The following TSPAN16 variants were observed in gnomAD, a reference collection of about 807,000 sequenced individuals.
TSPAN16 encodes the protein tetraspanin-16.
TSPAN16 carries 23 observed loss-of-function variants against 25.2 expected under a neutral mutation model. The observed-to-expected ratio is 0.91, with a 90% CI of 0.66 to 1.29. The LOEUF (loss-of-function observed/expected upper bound fraction) is 1.29, where lower values mean the gene tolerates loss of function less well. Ranked by LOEUF, TSPAN16 falls within the 50% of genes most tolerant of loss-of-function variation. TSPAN16 has a pLI of 0.00. For synonymous variants in TSPAN16, 123 were observed against 124.4 expected (o/e 0.99, Z 0.08); for missense variants, 272 against 299.9 (o/e 0.91, Z 0.69).
At chr19:11,314,500 G>T (rs926056507) in intron 6 of TSPAN16, among the ~76,000 whole-genome samples, 1 of 151,954 alleles carries the variant, frequency 6.6e-6, no homozygotes, top group Non-Finnish European at 1.5e-5. Context: ...TACCAGTCTG[G>T]GATATTTATT....
intron 4 of TSPAN16, among the ~76,000 whole-genome samples, chr19:11,302,528 C>CAAAAA (rs71164181): frequency 1.8e-4 from 9 of 49,282 alleles, no homozygotes; most frequent in African/African-American, 4.8e-4. Flanking sequence ...GGCTCCATCT[C>CAAAAA]AAAAAAAAAA....
chr19:11,303,090 C>T (rs2080582832), intron 4 of TSPAN16, among the ~76,000 whole-genome samples: 1 of 150,024 alleles, frequency 6.7e-6, no homozygotes, highest in Admixed American at 6.6e-5. Flanking sequence ...GCCAGGATGA[C>T]AATCGCGGCT....
intron 4 of TSPAN16, among the ~76,000 whole-genome samples, chr19:11,305,578 C>A (rs2080617590): frequency 6.7e-6 from 1 of 150,062 alleles, no homozygotes. Flanking sequence ...AAATAAAATC[C>A]TTGTTGGGCC....
intron 6 of TSPAN16, among the ~76,000 whole-genome samples, chr19:11,312,530 G>A (rs1280545419): frequency 6.6e-6 from 1 of 152,034 alleles, no homozygotes; most frequent in Non-Finnish European, 1.5e-5. Context: ...GGCTGAGGCA[G>A]GAGGACTGCT....
At chr19:11,299,449 G>A (rs1053529498) in intron 3 of TSPAN16, among the ~76,000 whole-genome samples, 1 of 152,134 alleles carries the variant, frequency 6.6e-6, no homozygotes, top group African/African-American at 2.4e-5. Context: ...AACCTGCTGA[G>A]TTCATTTAGT....
chr19:11,311,515 C>T (rs1022187254), intron 5 of TSPAN16, among the ~76,000 whole-genome samples: 5 of 152,058 alleles, frequency 3.3e-5, no homozygotes, highest in African/African-American at 4.8e-5. Flanking sequence ...ACTGAAGCCT[C>T]GACTGGCTGA....
intron 6 of TSPAN16, among the ~76,000 whole-genome samples, chr19:11,321,134 A>C (rs1599352389): frequency 2.0e-5 from 3 of 151,348 alleles, no homozygotes; most frequent in African/African-American, 7.3e-5. Context: ...GCACCACTGC[A>C]CTCCAGCTGG....
intron 4 of TSPAN16, among the ~76,000 whole-genome samples, chr19:11,302,653 ACACATAC>A (rs2080569447): frequency 1.8e-5 from 2 of 111,676 alleles, no homozygotes; most frequent in African/African-American, 1.1e-4. Flanking sequence ...ATATATATAT[ACACATAC>A]ATATATATAT....
At chr19:11,298,396 T>A in intron 2 of TSPAN16, 57 bp downstream of exon 2, 1 of 1,549,094 alleles carries the variant, frequency 6.5e-7, no homozygotes, top group Admixed American at 1.8e-5. Context: ...ACAAATCTTT[T>A]ATTGTGCGTG....
chr19:11,298,005 T>G (rs1019857348), intron 1 of TSPAN16, 137 bp from the exon 2 acceptor site: 5 of 832,564 alleles, frequency 6.0e-6, no homozygotes, highest in Non-Finnish European at 9.6e-6. Context: ...CAAGCTGGTC[T>G]TGAACTCCTG....
chr19:11,315,754 A>C, intron 6 of TSPAN16, 37 bp from the exon 7 acceptor site: 1 of 1,228,860 alleles, frequency 8.1e-7, no homozygotes, highest in Non-Finnish European at 1.0e-6. Flanking sequence ...GGAGGTCTCT[A>C]GCATTGGATC....
At chr19:11,301,498 C>T (rs1049939321) in intron 4 of TSPAN16, among the ~76,000 whole-genome samples, 190 bp downstream of exon 4, 5 of 151,770 alleles carry the variant, frequency 3.3e-5, no homozygotes, top group Non-Finnish European at 1.5e-5. Context: ...AAATTACCTC[C>T]GTGTGGTGGC....
downstream of TSPAN16, chr19:11,316,114 T>TGA (rs2080746920): frequency 3.1e-6 from 1 of 319,150 alleles, no homozygotes; most frequent in Non-Finnish European, 4.9e-6. Flanking sequence ...TGTGTGTGTG[T>TGA]GTGGTTTTTT....
intron 3 of TSPAN16, among the ~76,000 whole-genome samples, chr19:11,300,257 G>A (rs406566): frequency 0.41 from 62,595 of 151,992 alleles, 14,794 homozygotes; most frequent in African/African-American, 0.66. Flanking sequence ...CACCTGCAGG[G>A]GACATGGCAA....
intron 6 of TSPAN16, chr19:11,322,443 G>C (rs1190467438): frequency 2.0e-5 from 3 of 152,134 alleles, no homozygotes; most frequent in African/African-American, 7.2e-5. Flanking sequence ...GCTGCTAAAA[G>C]TGAATGTTAA....
chr19:11,314,357 A>G (rs933227502), intron 6 of TSPAN16, among the ~76,000 whole-genome samples: 7 of 152,134 alleles, frequency 4.6e-5, no homozygotes, highest in African/African-American at 1.2e-4. Context: ...TTATATCTCA[A>G]TGTTATTTAA....
intron 6 of TSPAN16, among the ~76,000 whole-genome samples, chr19:11,314,692 G>A (rs910438438): frequency 3.3e-5 from 5 of 152,036 alleles, no homozygotes; most frequent in African/African-American, 1.2e-4. Flanking sequence ...GAAATGAGGC[G>A]CCCAGGAGCT....
At chr19:11,299,669 G>A (rs1016981349) in intron 3 of TSPAN16, among the ~76,000 whole-genome samples, 3 of 152,176 alleles carry the variant, frequency 2.0e-5, no homozygotes, top group African/African-American at 7.2e-5. Context: ...ATTCATGCCA[G>A]GGCATGTGAA....
At chr19:11,317,935 A>G (rs2080757306), downstream of TSPAN16, among the ~76,000 whole-genome samples, 7 of 152,104 alleles carry the variant, frequency 4.6e-5, no homozygotes, top group Admixed American at 4.6e-4. Context: ...ATTTCCTGAA[A>G]AGCATGAGTT....
Sources: gnomAD v4.1 joint callset for allele counts (sites outside exome capture counted in the v4.1 genomes callset) on GRCh38, gnomAD v4.1.1 for gene constraint, MANE v1.5 for transcripts, NCBI Gene and HGNC (gene_info 2026-07-23, HGNC 2026-07-21) for gene names.